The following MMAA variants were observed in gnomAD, a reference collection of about 807,000 sequenced individuals.
The protein encoded by MMAA is metabolism of cobalamin associated A.
In MMAA, 41 loss-of-function variants were observed where a neutral mutation model predicts 45.0. That is an observed-to-expected ratio of 0.91 (90% CI 0.71 to 1.18). MMAA has a LOEUF of 1.18. MMAA is among the 50% of genes most tolerant of loss of function. MMAA has a pLI of 0.00. For synonymous variants in MMAA, 154 were observed against 178.2 expected (o/e 0.86, Z 1.08); for missense variants, 460 against 495.7 (o/e 0.93, Z 0.68).
chr4:145,654,752 T>C (rs1728181531), intron 6 of MMAA, among the ~76,000 whole-genome samples: 1 of 152,192 alleles, frequency 6.6e-6, no homozygotes, highest in African/African-American at 2.4e-5. Flanking sequence ...TCAGGCAAAT[T>C]TGGCAGAGAG....
At chr4:145,646,950 C>CTGGAGT (rs1239009156) in intron 4 of MMAA, among the ~76,000 whole-genome samples, 2 of 152,136 alleles carry the variant, frequency 1.3e-5, no homozygotes. Flanking sequence ...AAGGAGTCTT[C>CTGGAGT]TGGAGTTTAC....
chr4:145,628,287 T>A (rs1734245909), intron 1 of MMAA, among the ~76,000 whole-genome samples: 2 of 152,234 alleles, frequency 1.3e-5, no homozygotes, highest in Non-Finnish European at 2.9e-5. Flanking sequence ...GGTAACAGAT[T>A]ACCACAAACT....
chr4:145,624,259 G>A (rs1734150383), intron 1 of MMAA: 2 of 800,662 alleles, frequency 2.5e-6, no homozygotes, highest in African/African-American at 1.7e-5. Context: ...ATAATGGTCT[G>A]GGGGGAAGTT....
intron 3 of MMAA, 22 bp downstream of exon 3, chr4:145,642,507 T>A (rs748435052): frequency 1.2e-6 from 2 of 1,613,890 alleles, no homozygotes; most frequent in Non-Finnish European, 1.7e-6. Flanking sequence ...TGATTCTTTT[T>A]CAATTGCAGA....
At chr4:145,634,710 G>T (rs1727560047) in intron 1 of MMAA, among the ~76,000 whole-genome samples, 1 of 151,952 alleles carries the variant, frequency 6.6e-6, no homozygotes, top group Admixed American at 6.6e-5. Flanking sequence ...TCTCACCCAA[G>T]GCCCTCTATG....
At chr4:145,625,735 A>T (rs1734189653) in intron 1 of MMAA, 9 of 1,443,886 alleles carry the variant, frequency 6.2e-6, no homozygotes, top group Non-Finnish European at 8.8e-6. Context: ...TGAATAAGAC[A>T]ATTGAACTGG....
chr4:145,623,287 C>G (rs1356111059), intron 1 of MMAA, among the ~76,000 whole-genome samples: 2 of 152,180 alleles, frequency 1.3e-5, no homozygotes, highest in Admixed American at 6.5e-5. Context: ...CCAATAATCC[C>G]TATGATAGTG....
chr4:145,642,229 A>G, intron 2 of MMAA, 134 bp from the exon 3 acceptor site: 1 of 1,002,966 alleles, frequency 1.0e-6, no homozygotes, highest in Non-Finnish European at 1.5e-6. Flanking sequence ...ATTTTAGGAC[A>G]TGTTGAAATA....
In MMAA at chr4:145,642,393, C is replaced by G; in HGVS notation, c.470C>G (p.Ser157Ter). The change falls in exon 3 of 7, where the codon TCA becomes TGA. Residue 157 changes from serine (S) to a stop codon, truncating the protein, a stop_gained. Coordinates refer to ENST00000649156, the MANE Select transcript of MMAA (RefSeq NM_172250.3). LOFTEE classifies it high-confidence loss of function. ...GLSGPPGAGK[S>*]TFIEYFGKML... Reference sequence around the variant, plus strand: ...TCTGGGCCCCCTGGTGCTGGAAAATCAACATTTATAGAATATTTTGGAAAA... The same window carrying G: ...TCTGGGCCCCCTGGTGCTGGAAAATGAACATTTATAGAATATTTTGGAAAA... The G allele has an allele frequency of 1.2e-6, 2 of 1,614,066 alleles. No individual in the cohort carries two copies. The highest frequency in any genetic ancestry group is 1.1e-5 in the South Asian group (1 of 91,076).
intron 1 of MMAA, among the ~76,000 whole-genome samples, chr4:145,623,989 A>G (rs546215334): frequency 6.6e-6 from 1 of 152,322 alleles, no homozygotes; most frequent in Non-Finnish European, 1.5e-5. Flanking sequence ...TCTTTTAAAC[A>G]GTAACTTATA....
chr4:145,641,881 G>A (rs1163764787), intron 2 of MMAA, among the ~76,000 whole-genome samples: 1 of 152,090 alleles, frequency 6.6e-6, no homozygotes, highest in Non-Finnish European at 1.5e-5. Flanking sequence ...AGTTATGAGT[G>A]AGATGAAGAA....
At chr4:145,634,069 C>T (rs1178265673) in intron 1 of MMAA, among the ~76,000 whole-genome samples, 1 of 152,220 alleles carries the variant, frequency 6.6e-6, no homozygotes, top group East Asian at 1.9e-4. Context: ...CTGACTATCA[C>T]TTATGTTCAC....
chr4:145,645,202 C>T lies in MMAA; in HGVS notation c.563-784C>T, dbSNP rs114869823. ...ATAAAAGAATGAGGAGTGGAGGGTG[C>T]TCATGGAGATAATAGAAAGGGGAGG... On this transcript the variant is annotated intron_variant, in intron 3 of 6. Transcript: ENST00000649156. 2.2e-3 allele frequency among the ~76,000 whole-genome samples: 342 copies of T among 152,090 alleles called. 2 individuals carry two copies. Among genetic ancestry groups the T allele is most frequent in the African/African-American group, 7.8e-3 (325 of 41,492 alleles).
intron 3 of MMAA, among the ~76,000 whole-genome samples, chr4:145,644,559 GTAGTAAAACATAA>G (rs1727876438): frequency 6.6e-6 from 1 of 152,218 alleles, no homozygotes; most frequent in Non-Finnish European, 1.5e-5. Context: ...CTAAAGCAAA[GTAGTAAAACATAA>G]TAGTCCCAGG....
chr4:145,652,765 C>T (rs1003378664), intron 5 of MMAA, among the ~76,000 whole-genome samples: 1 of 151,938 alleles, frequency 6.6e-6, no homozygotes, highest in African/African-American at 2.4e-5. Flanking sequence ...CCAGGTATAG[C>T]CCCAGGCACC....
intron 6 of MMAA, 138 bp downstream of exon 6, chr4:145,654,281 C>T (rs368666860): frequency 5.9e-5 from 63 of 1,067,046 alleles, no homozygotes; most frequent in African/African-American, 4.1e-4. Context: ...ATGACAAAGA[C>T]GGAGTGTGTA....
rs1264957713 is a variant in MMAA, at chr4:145,658,169, A to G, written c.*2735A>G. The G allele has an allele frequency of 6.6e-6, 1 of 152,564 alleles. No individual in the cohort carries two copies. The highest frequency in any genetic ancestry group is 6.5e-5 in the Admixed American group (1 of 15,282). 9.5% of individuals were successfully genotyped at this position (152,564 alleles called of 1,614,324 possible). ...TAGAAGCTGAGCAGATGCCAGCACC[A>G]TGCTTCCTGTAGTCTGTAGAACCAT... On this transcript the variant is annotated 3_prime_UTR_variant, in exon 7 of 7. Coordinates refer to ENST00000649156, the MANE Select transcript of MMAA (RefSeq NM_172250.3).
In MMAA at chr4:145,646,432, T is replaced by G. The variant is rs17014946; in HGVS notation, c.733+276T>G. 0.25 allele frequency: 99,333 copies of G among 397,844 alleles called. 13,068 individuals carry two copies. The highest frequency in any genetic ancestry group is 0.48 in the East Asian group (8,882 of 18,500). 24.6% of individuals were successfully genotyped at this position (397,844 alleles called of 1,614,324 possible). ...AGGAGAACTGTAAACATTAGGATGA[T>G]CTGTGTAAATGATGCTTTGGCACAA... is the stretch of plus-strand genomic sequence containing the variant. On this transcript the variant is annotated intron_variant, in intron 4 of 6. Transcript: ENST00000649156.
intron 1 of MMAA, among the ~76,000 whole-genome samples, chr4:145,620,070 C>T (rs191716249): frequency 6.6e-6 from 1 of 152,128 alleles, no homozygotes; most frequent in African/African-American, 2.4e-5. Context: ...GTTTAGAAAA[C>T]ATAAACTAAT....
Sources: gnomAD v4.1 joint callset for allele counts (sites outside exome capture counted in the v4.1 genomes callset) on GRCh38, gnomAD v4.1.1 for gene constraint, MANE v1.5 for transcripts, NCBI Gene and HGNC (gene_info 2026-07-23, HGNC 2026-07-21) for gene names.